Variants in GAPVD1 observed in about 807,000 individuals in gnomAD.
GAPVD1 encodes GTPase-activating protein and VPS9 domain-containing protein 1.
GAPVD1 carries 35 observed loss-of-function variants against 155.5 expected under a neutral mutation model. That is an observed-to-expected ratio of 0.23 (90% CI 0.17 to 0.30). The LOEUF (loss-of-function observed/expected upper bound fraction) is 0.30. GAPVD1 is among the 10% of genes least tolerant of loss of function. GAPVD1 has a pLI of 1.00. For missense variants in GAPVD1, 1,429 were observed against 1,775.7 expected, an observed-to-expected ratio of 0.80 and a Z score of 3.51; for synonymous variants, 636 against 619.7, an observed-to-expected ratio of 1.03 and a Z score of -0.39.
chr9:125,283,449 C>T lies in GAPVD1; in HGVS notation c.-149-12009C>T, dbSNP rs145671840. Reference sequence around the variant, plus strand: ...TCTTGGCTCACTGCAGCCTTGACATCCCCGGCTCAAGTGATCCTCTGCCTT... The same window carrying T: ...TCTTGGCTCACTGCAGCCTTGACATTCCCGGCTCAAGTGATCCTCTGCCTT... On this transcript the variant is annotated intron_variant, in intron 2 of 27. Transcript: ENST00000297933. Among the ~76,000 whole-genome samples the T allele has an allele frequency of 5.0e-3, 767 of 152,250 alleles. 11 individuals are homozygous for T. Among genetic ancestry groups the T allele is most frequent in the African/African-American group, 0.017 (715 of 41,528 alleles).
intron 1 of GAPVD1, chr9:125,263,667 G>C: frequency 1.1e-6 from 1 of 951,356 alleles, no homozygotes; most frequent in Non-Finnish European, 1.7e-6. Context: ...CAGCTTTCTT[G>C]TCGGCACTAA....
intron 11 of GAPVD1, among the ~76,000 whole-genome samples, chr9:125,326,167 A>G (rs1845148699): frequency 6.6e-6 from 1 of 152,208 alleles, no homozygotes; most frequent in Admixed American, 6.5e-5. Context: ...CTCTTTAGCA[A>G]ACTTCCTGGG....
rs80353005 is a variant in GAPVD1, at chr9:125,359,534, C to G, written c.4044+42C>G. The G allele has an allele frequency of 2.4e-4, 231 of 948,842 alleles. No homozygotes were observed. The African/African-American group carries it at 2.8e-3, about 12-fold the overall frequency. The allele number at this position is 948,842 out of a possible 1,614,324, so 58.8% of individuals were successfully genotyped here. On this transcript the variant is annotated intron_variant, in intron 26 of 27. Coordinates refer to ENST00000297933, the MANE Select transcript of GAPVD1 (RefSeq NM_001282680.3). ...TAGCATGGGTAATGTTAACTAAATG[C>G]TGCGTGTTATTATACCATATAATGT...
chr9:125,294,799 T>A (rs745451473), intron 2 of GAPVD1, among the ~76,000 whole-genome samples: 1 of 152,008 alleles, frequency 6.6e-6, no homozygotes, highest in Non-Finnish European at 1.5e-5. Context: ...AGATAAGGGC[T>A]GGAGACACTA....
chr9:125,349,570 A>G, intron 21 of GAPVD1, 51 bp downstream of exon 21: 2 of 1,533,290 alleles, frequency 1.3e-6, no homozygotes, highest in Non-Finnish European at 1.8e-6. Flanking sequence ...TTTCAGCACC[A>G]TTGCAGTCAC....
chr9:125,362,747 C>T lies in GAPVD1; in HGVS notation c.*1C>T, dbSNP rs200238380. 1 of 1,612,776 alleles carries T rather than the reference C, an allele frequency of 6.2e-7. No individual in the cohort carries two copies. The highest frequency in any genetic ancestry group is 1.3e-5 in the African/African-American group (1 of 74,972). On this transcript the variant is annotated 3_prime_UTR_variant, in exon 28 of 28. Transcript: ENST00000297933. Reference sequence around the variant, plus strand: ...TAAAACCATCGATGACCGAAAGTGACCAAGACCAAGGCCCACCAAGGCAGC... The same window carrying T: ...TAAAACCATCGATGACCGAAAGTGATCAAGACCAAGGCCCACCAAGGCAGC...
At chr9:125,335,983 T>A (rs1846872714) in intron 15 of GAPVD1, among the ~76,000 whole-genome samples, 1 of 151,476 alleles carries the variant, frequency 6.6e-6, no homozygotes, top group Non-Finnish European at 1.5e-5. Context: ...TGAGACCCTG[T>A]CTCTACAAAA....
chr9:125,286,950 C>T (rs1475415839), intron 2 of GAPVD1, among the ~76,000 whole-genome samples: 12 of 151,622 alleles, frequency 7.9e-5, no homozygotes, highest in Non-Finnish European at 1.2e-4. Context: ...TGGACGTGGT[C>T]GGGGGTGCCT....
intron 15 of GAPVD1, 146 bp downstream of exon 15, chr9:125,332,775 A>G (rs1846275372): frequency 1.6e-6 from 1 of 626,930 alleles, no homozygotes; most frequent in African/African-American, 1.9e-5. Context: ...TTAAATGTTC[A>G]CATTCTAAAT....
chr9:125,324,438 A>G (rs1040391172), intron 11 of GAPVD1, among the ~76,000 whole-genome samples: 14 of 152,114 alleles, frequency 9.2e-5, no homozygotes, highest in African/African-American at 2.9e-4. Context: ...TGAAAATACA[A>G]AATTAGCCAG....
At chr9:125,308,201 C>A in intron 8 of GAPVD1, 1 of 384,090 alleles carries the variant, frequency 2.6e-6, no homozygotes, top group South Asian at 4.1e-5. Flanking sequence ...TAGCCCTCAG[C>A]CTGGTGTGGT....
At chr9:125,293,588 G>T in intron 2 of GAPVD1, among the ~76,000 whole-genome samples, 1 of 60,858 alleles carries the variant, frequency 1.6e-5, no homozygotes, top group Non-Finnish European at 3.5e-5. Context: ...TAGCTGGGAT[G>T]ACAGGCAGCT....
At chr9:125,313,430 A>G (rs1054935402) in intron 9 of GAPVD1, among the ~76,000 whole-genome samples, 1 of 151,722 alleles carries the variant, frequency 6.6e-6, no homozygotes, top group Non-Finnish European at 1.5e-5. Flanking sequence ...TAGCCTCCCA[A>G]GTAGCTGGGA....
chr9:125,284,112 G>C (rs113541736), intron 2 of GAPVD1, among the ~76,000 whole-genome samples: 1,609 of 150,950 alleles, frequency 0.011, 20 homozygotes, highest in African/African-American at 0.035. Flanking sequence ...CTGACCTCAA[G>C]TGATCCACCC....
intron 15 of GAPVD1, 26 bp downstream of exon 15, chr9:125,332,655 T>TA: frequency 6.3e-7 from 1 of 1,597,118 alleles, no homozygotes; most frequent in Non-Finnish European, 8.5e-7. Flanking sequence ...GAGGATGACT[T>TA]AAAAAATGAC....
intron 19 of GAPVD1, among the ~76,000 whole-genome samples, chr9:125,343,232 G>A (rs1016061327): frequency 6.6e-6 from 1 of 150,384 alleles, no homozygotes; most frequent in Non-Finnish European, 1.5e-5. Flanking sequence ...TATCATTAGT[G>A]TTAGTGTATT....
intron 18 of GAPVD1, 59 bp downstream of exon 18, chr9:125,341,323 TCTTTCAGAGAGC>T: frequency 1.2e-6 from 1 of 845,996 alleles, no homozygotes; most frequent in South Asian, 1.6e-5. Flanking sequence ...CCCCAGAATC[TCTTTCAGAGAGC>T]CAATGTCTCA....
At chr9:125,323,199 C>G (rs1392046672) in intron 10 of GAPVD1, among the ~76,000 whole-genome samples, 1 of 151,782 alleles carries the variant, frequency 6.6e-6, no homozygotes, top group South Asian at 2.1e-4. Flanking sequence ...CTTTGCCTCC[C>G]GGGTTCAAGC....
intron 13 of GAPVD1, among the ~76,000 whole-genome samples, chr9:125,330,576 C>G (rs1036080076): frequency 2.6e-5 from 4 of 152,130 alleles, no homozygotes; most frequent in Non-Finnish European, 5.9e-5. Context: ...CTTGGCCTCC[C>G]GAAGTGCTGG....
Sources: allele counts gnomAD v4.1 joint callset (sites outside exome capture counted in the v4.1 genomes callset), GRCh38; gene constraint gnomAD v4.1.1; transcripts MANE v1.5; gene names NCBI Gene and HGNC (gene_info 2026-07-23, HGNC 2026-07-21).